The following VRK2 variants were observed in gnomAD, a reference collection of about 807,000 sequenced individuals.
VRK2 encodes serine/threonine-protein kinase VRK2.
VRK2 carries 60 observed loss-of-function variants against 57.6 expected under a neutral mutation model. The ratio of observed to expected loss-of-function variants is 1.04; its 90% CI spans 0.85 to 1.29. The LOEUF is 1.29. Ranked by LOEUF, VRK2 falls within the 50% of genes most tolerant of loss-of-function variation. VRK2 has a pLI of 0.00. For synonymous variants in VRK2, 231 were observed against 199.2 expected (o/e 1.16, Z -1.35); for missense variants, 705 against 588.1 (o/e 1.20, Z -2.06).
At chr2:58,134,067 C>T (rs570710087) in intron 9 of VRK2, among the ~76,000 whole-genome samples, 10 of 152,234 alleles carry the variant, frequency 6.6e-5, no homozygotes, top group African/African-American at 2.2e-4. Context: ...TGGATGGCCC[C>T]AGAAGCCACC....
At chr2:58,029,635 G>A (rs982660922) in intron 2 of VRK2, among the ~76,000 whole-genome samples, 2 of 151,996 alleles carry the variant, frequency 1.3e-5, no homozygotes, top group Admixed American at 1.3e-4. Context: ...TATTCCAATT[G>A]CTACATTGAG....
intron 1 of VRK2, among the ~76,000 whole-genome samples, chr2:57,998,671 T>G (rs1287982639): frequency 6.6e-6 from 1 of 152,206 alleles, no homozygotes; most frequent in East Asian, 1.9e-4. Flanking sequence ...TATATCTATA[T>G]GGCACAGTTA....
intron 7 of VRK2, among the ~76,000 whole-genome samples, chr2:58,116,225 G>C (rs188676832): frequency 4.0e-4 from 61 of 152,170 alleles, no homozygotes; most frequent in Admixed American, 2.5e-3. Flanking sequence ...GTGCGTGATC[G>C]GTCGCCAAGG....
chr2:57,915,183 G>C (rs1356396613), intron 1 of VRK2, among the ~76,000 whole-genome samples: 1 of 152,144 alleles, frequency 6.6e-6, no homozygotes, highest in African/African-American at 2.4e-5. Flanking sequence ...CTAAATACAT[G>C]TTCTAGTTGA....
chr2:58,105,927 T>C (rs982308265), intron 7 of VRK2, among the ~76,000 whole-genome samples: 3 of 151,946 alleles, frequency 2.0e-5, no homozygotes, highest in Non-Finnish European at 4.4e-5. Context: ...AATATACCAA[T>C]GACAGTCAAA....
intron 2 of VRK2, among the ~76,000 whole-genome samples, chr2:58,079,609 A>G (rs1345853679): frequency 2.0e-5 from 3 of 151,700 alleles, no homozygotes; most frequent in East Asian, 3.9e-4. Context: ...TTTTTTTCCT[A>G]TGGGTTACAG....
intron 7 of VRK2, among the ~76,000 whole-genome samples, chr2:58,117,904 G>A (rs1219830503): frequency 6.6e-6 from 1 of 152,106 alleles, no homozygotes; most frequent in Non-Finnish European, 1.5e-5. Context: ...GAAAAGAGTA[G>A]AGACACAGAG....
chr2:58,124,740 A>G (rs565293216), intron 8 of VRK2, among the ~76,000 whole-genome samples: 1 of 152,192 alleles, frequency 6.6e-6, no homozygotes, highest in Admixed American at 6.5e-5. Flanking sequence ...CAAAAGTAAA[A>G]CAAGTATAAC....
upstream of VRK2, among the ~76,000 whole-genome samples, chr2:58,045,855 T>TA (rs1674700656): frequency 6.6e-6 from 1 of 152,204 alleles, no homozygotes; most frequent in Admixed American, 6.5e-5. Context: ...TTTTTTTCTT[T>TA]CCTTCGAGAC....
At position 57,913,565 on chromosome 2, in the gene VRK2, C is replaced by T. The variant is rs577095047; in HGVS notation, c.-439+5726C>T. The stretch of plus-strand genomic sequence containing the variant: ...AGTTTTGTGGCCTAGCTAGATATCT[C>T]CCTGACTTTAAATTTTGCTCTTATA... On this transcript the variant is annotated intron_variant, in intron 1 of 15. Coordinates refer to the VRK2 transcript ENST00000417641. Among the ~76,000 whole-genome samples the T allele has an allele frequency of 6.6e-5, 10 of 152,134 alleles. No individual in the cohort carries two copies. In the South Asian group the frequency reaches 2.1e-3, roughly 32 times the overall value.
intron 1 of VRK2, among the ~76,000 whole-genome samples, chr2:57,989,188 GTC>G (rs1672689038): frequency 6.6e-6 from 1 of 152,104 alleles, no homozygotes; most frequent in South Asian, 2.1e-4. Context: ...TCACTACTCT[GTC>G]TAATTTCAGT....
At chr2:57,917,164 G>C (rs1670185231) in intron 1 of VRK2, among the ~76,000 whole-genome samples, 1 of 152,056 alleles carries the variant, frequency 6.6e-6, no homozygotes, top group Non-Finnish European at 1.5e-5. Context: ...AGCTGGCTTG[G>C]AGAAAGAATA....
At chr2:57,981,318 A>G (rs963122150) in intron 1 of VRK2, among the ~76,000 whole-genome samples, 3 of 152,162 alleles carry the variant, frequency 2.0e-5, no homozygotes, top group Admixed American at 1.3e-4. Flanking sequence ...CCAGACATGT[A>G]ATTCCTGGGT....
intron 3 of VRK2, among the ~76,000 whole-genome samples, chr2:58,035,406 T>C (rs72810316): frequency 0.088 from 13,352 of 152,046 alleles, 627 homozygotes; most frequent in East Asian, 0.11. Flanking sequence ...ATTTTTGTTA[T>C]GAGTTGGAAC....
intron 1 of VRK2, among the ~76,000 whole-genome samples, chr2:57,996,558 G>C (rs1343820624): frequency 8.5e-5 from 13 of 152,170 alleles, no homozygotes; most frequent in African/African-American, 3.1e-4. Context: ...CTCATGTCTT[G>C]AGGAGAATAT....
chr2:58,142,492 G>T (rs1029921504), intron 11 of VRK2, among the ~76,000 whole-genome samples: 1 of 151,468 alleles, frequency 6.6e-6, no homozygotes, highest in South Asian at 2.1e-4. Flanking sequence ...AATCTTTTGG[G>T]GTATTTGCCT....
At chr2:58,137,149 C>A (rs1281779315) in intron 10 of VRK2, among the ~76,000 whole-genome samples, 3 of 47,582 alleles carry the variant, frequency 6.3e-5, no homozygotes, top group Non-Finnish European at 1.1e-4. Context: ...TCATATATAT[C>A]ATGTGTTTAT....
At chr2:58,117,255 A>G (rs1167704205) in intron 7 of VRK2, among the ~76,000 whole-genome samples, 1 of 152,146 alleles carries the variant, frequency 6.6e-6, no homozygotes, top group Admixed American at 6.5e-5. Flanking sequence ...CTGATTTGGG[A>G]TAAAGAAAAA....
intron 12 of VRK2, among the ~76,000 whole-genome samples, chr2:58,158,748 T>TAAG (rs1366712813): frequency 1.3e-5 from 2 of 152,254 alleles, no homozygotes; most frequent in African/African-American, 2.4e-5. Context: ...GAAACTTGCA[T>TAAG]AAGTAACCAG....
Sources: gnomAD v4.1 joint callset for allele counts (sites outside exome capture counted in the v4.1 genomes callset) on GRCh38, gnomAD v4.1.1 for gene constraint, MANE v1.5 for transcripts, NCBI Gene and HGNC (gene_info 2026-07-23, HGNC 2026-07-21) for gene names.